The following SUZ12 variants were observed in gnomAD, a reference collection of about 807,000 sequenced individuals.
SUZ12 encodes polycomb protein SUZ12.
In SUZ12, 17 loss-of-function variants were observed where a neutral mutation model predicts 87.3. That is an observed-to-expected ratio of 0.19 (90% CI 0.13 to 0.29). The LOEUF (loss-of-function observed/expected upper bound fraction) is 0.29, where lower values mean the gene tolerates loss of function less well. Ranked by LOEUF, SUZ12 falls within the 10% of genes least tolerant of loss-of-function variation. SUZ12 has a pLI of 1.00. For synonymous variants in SUZ12, 253 were observed against 312.4 expected, an observed-to-expected ratio of 0.81 and a Z score of 2.01; for missense variants, 526 against 912.2, an observed-to-expected ratio of 0.58 and a Z score of 5.45.
At chr17:31,955,607 G>A (rs1230483247) in intron 4 of SUZ12, among the ~76,000 whole-genome samples, 1 of 152,018 alleles carries the variant, frequency 6.6e-6, no homozygotes, top group Non-Finnish European at 1.5e-5. Context: ...AATTAGCTGG[G>A]CAGAGTGTCG....
chr17:31,959,894 T>C (rs1284846029), intron 4 of SUZ12, among the ~76,000 whole-genome samples: 1 of 152,240 alleles, frequency 6.6e-6, no homozygotes, highest in African/African-American at 2.4e-5. Context: ...TCAAATTCTT[T>C]ACCTGATTTC....
intron 3 of SUZ12, among the ~76,000 whole-genome samples, chr17:31,945,393 G>A (rs1906577322): frequency 6.6e-6 from 1 of 152,072 alleles, no homozygotes; most frequent in South Asian, 2.1e-4. Flanking sequence ...CTTTCTAGAA[G>A]TATTCAACTT....
intron 3 of SUZ12, among the ~76,000 whole-genome samples, chr17:31,942,257 A>G (rs1289703455): frequency 1.3e-5 from 2 of 152,022 alleles, no homozygotes; most frequent in Non-Finnish European, 2.9e-5. Flanking sequence ...ATTTTTGATT[A>G]TTATGTGTAA....
rs1195850041 is a variant in SUZ12 at position 31,993,882 on chromosome 17, T to C, written c.1311T>C (p.Asn437=). 1 of 1,611,960 alleles carries C rather than the reference T, an allele frequency of 6.2e-7. No individual in the cohort carries two copies. Among genetic ancestry groups the C allele is most frequent in the African/African-American group, 1.3e-5 (1 of 74,780 alleles). Residue 437 remains asparagine (N), a synonymous_variant, in exon 12 of 16, where the codon AAT becomes AAC. Coordinates refer to ENST00000322652, the MANE Select transcript of SUZ12 (RefSeq NM_015355.4). ...RIFYQFLYNN[N]TRQQTEARDD... ...GTTTTTAGTTTCTCTATAACAACAA[T>C]ACAAGGCAACAAACTGAAGCAAGAG...
chr17:31,959,668 C>G (rs973193111), intron 4 of SUZ12, among the ~76,000 whole-genome samples: 1 of 152,174 alleles, frequency 6.6e-6, no homozygotes, highest in East Asian at 1.9e-4. Context: ...CTAGCAGATT[C>G]ATGTATATAA....
Position 31,995,576 on chromosome 17 carries a change from A to G in SUZ12, c.1608A>G (p.Thr536=). The G allele has an allele frequency of 6.2e-7, 1 of 1,614,076 alleles. No individual in the cohort carries two copies. Among genetic ancestry groups the G allele is most frequent in the East Asian group, 2.2e-5 (1 of 44,848 alleles). ...TTCTTTTCATTAGGCCAAAACGAACAAAAGCAAGCATGTCTGAATTTCTTG... is the reference window on the plus strand; with the variant it reads ...TTCTTTTCATTAGGCCAAAACGAACGAAAGCAAGCATGTCTGAATTTCTTG... ...THILVCRPKR[T]KASMSEFLES... Residue 536 remains threonine, a synonymous_variant, in exon 14 of 16, where the codon ACA becomes ACG. Transcript: ENST00000322652.
intron 8 of SUZ12, among the ~76,000 whole-genome samples, chr17:31,979,324 C>T (rs771799072): frequency 1.3e-5 from 2 of 151,950 alleles, no homozygotes; most frequent in Non-Finnish European, 1.5e-5. Context: ...CTCCTAAGAA[C>T]GAAGACATTT....
intron 4 of SUZ12, among the ~76,000 whole-genome samples, chr17:31,958,716 T>C (rs35682355): frequency 0.051 from 7,717 of 152,198 alleles, 603 homozygotes; most frequent in African/African-American, 0.17. Context: ...CGTGGTGGCA[T>C]GTGCCTGTAT....
intron 9 of SUZ12, among the ~76,000 whole-genome samples, 196 bp from the exon 10 acceptor site, chr17:31,988,124 C>G (rs1338552019): frequency 6.6e-6 from 1 of 152,146 alleles, no homozygotes; most frequent in African/African-American, 2.4e-5. Context: ...AGCCTGTGCT[C>G]TCCAGTTCAA....
intron 1 of SUZ12, among the ~76,000 whole-genome samples, chr17:31,938,443 G>A (rs1906070570): frequency 6.6e-6 from 1 of 152,150 alleles, no homozygotes; most frequent in Admixed American, 6.5e-5. Flanking sequence ...CATATGTTAA[G>A]GGCATGGTAT....
intron 4 of SUZ12, among the ~76,000 whole-genome samples, chr17:31,954,721 G>T (rs1468778414): frequency 6.6e-6 from 1 of 151,658 alleles, no homozygotes; most frequent in African/African-American, 2.4e-5. Context: ...GACGATCAGG[G>T]AAGGCATCTC....
At chr17:31,995,505 G>T (rs1313683721) in intron 13 of SUZ12, 59 bp from the exon 14 acceptor site, 1 of 1,380,110 alleles carries the variant, frequency 7.2e-7, no homozygotes, top group East Asian at 2.3e-5. Context: ...ACTCCTAGTC[G>T]TGAGGTTAGA....
At chr17:31,988,897 C>T (rs931464888) in intron 10 of SUZ12, among the ~76,000 whole-genome samples, 11 of 151,330 alleles carry the variant, frequency 7.3e-5, no homozygotes, top group African/African-American at 2.4e-4. Context: ...GGTGAAACAC[C>T]GTCCCTACTA....
chr17:31,952,285 C>T (rs1279535219), intron 4 of SUZ12, among the ~76,000 whole-genome samples: 1 of 152,180 alleles, frequency 6.6e-6, no homozygotes, highest in Admixed American at 6.5e-5. Flanking sequence ...GTCTCAAACT[C>T]CTGGCCTCAA....
intron 3 of SUZ12, among the ~76,000 whole-genome samples, chr17:31,942,738 C>A (rs909107514): frequency 1.3e-5 from 2 of 152,138 alleles, no homozygotes; most frequent in Non-Finnish European, 2.9e-5. Flanking sequence ...AAAGTGGGGT[C>A]TGGAGGTGGA....
intron 4 of SUZ12, among the ~76,000 whole-genome samples, chr17:31,959,399 A>G (rs1173898845): frequency 6.6e-6 from 1 of 152,088 alleles, no homozygotes; most frequent in Non-Finnish European, 1.5e-5. Context: ...TAATTAATAG[A>G]CACACACACA....
chr17:31,993,377 TG>T, intron 11 of SUZ12, 44 bp downstream of exon 11: 2 of 1,277,912 alleles, frequency 1.6e-6, no homozygotes, highest in African/African-American at 1.5e-5. Flanking sequence ...GAAATGTATT[TG>T]TTTTTTGTAT....
At position 31,978,641 on chromosome 17, in the gene SUZ12, C is replaced by T. The variant is rs189847388; in HGVS notation, c.917+2027C>T. Among the ~76,000 whole-genome samples, 606 of 152,254 alleles carry T rather than the reference C, an allele frequency of 4.0e-3. 4 individuals carry two copies. The highest frequency in any genetic ancestry group is 0.014 in the African/African-American group (573 of 41,512). On this transcript the variant is annotated intron_variant, in intron 8 of 15. Coordinates refer to ENST00000322652, the MANE Select transcript of SUZ12 (RefSeq NM_015355.4). Reference sequence around the variant, plus strand: ...TAGAATGAGGCGCATTGGACTTCATCGATGCTGTTAATTGTTCTATTTTAG... The same window carrying T: ...TAGAATGAGGCGCATTGGACTTCATTGATGCTGTTAATTGTTCTATTTTAG...
At chr17:31,989,224 CTA>C (rs923553042) in intron 10 of SUZ12, among the ~76,000 whole-genome samples, 18 of 152,062 alleles carry the variant, frequency 1.2e-4, no homozygotes, top group Admixed American at 6.5e-4. Context: ...CTGCTGGCCT[CTA>C]TGTGATTAGC....
Sources: gnomAD v4.1 joint callset for allele counts (sites outside exome capture counted in the v4.1 genomes callset) on GRCh38, gnomAD v4.1.1 for gene constraint, MANE v1.5 for transcripts, NCBI Gene and HGNC (gene_info 2026-07-23, HGNC 2026-07-21) for gene names.